VAV2: variants seen among roughly 807,000 people sequenced by gnomAD.
The protein encoded by VAV2 is guanine nucleotide exchange factor VAV2.
VAV2 carries 67 observed loss-of-function variants against 132.5 expected under a neutral mutation model. The observed-to-expected ratio is 0.51, with a 90% confidence interval of 0.42 to 0.62. The LOEUF (loss-of-function observed/expected upper bound fraction) is 0.62. Ranked by LOEUF, VAV2 falls within the 20% of genes least tolerant of loss-of-function variation. The probability of loss-of-function intolerance (pLI) is 0.00; values close to 1 mark genes in which losing one functional copy is unlikely to be tolerated. For synonymous variants in VAV2, 492 were observed against 443.5 expected, an observed-to-expected ratio of 1.11 and a Z score of -1.37; for missense variants, 938 against 1,153.6, an observed-to-expected ratio of 0.81 and a Z score of 2.71.
chr9:133,948,330 C>A (rs1197756585), intron 1 of VAV2, among the ~76,000 whole-genome samples: 1 of 152,256 alleles, frequency 6.6e-6, no homozygotes, highest in Non-Finnish European at 1.5e-5. Context: ...TGAACCTGAC[C>A]CGCCTTTGCG....
intron 2 of VAV2, among the ~76,000 whole-genome samples, chr9:133,922,135 G>A (rs111790015): frequency 9.0e-4 from 137 of 152,366 alleles, no homozygotes; most frequent in Middle Eastern, 3.4e-3. Flanking sequence ...AGGTGGCAGC[G>A]GGAAGCTTCT....
intron 3 of VAV2, 165 bp downstream of exon 3, chr9:133,861,209 C>G: frequency 1.4e-6 from 1 of 692,580 alleles, no homozygotes; most frequent in Middle Eastern, 4.2e-4. Flanking sequence ...CCCCCCACAC[C>G]CCTTCCTGCA....
rs544367532 is a variant in VAV2 at position 133,783,176 on chromosome 9, T to A, written c.1723+327A>T. On this transcript the variant is annotated intron_variant, in intron 19 of 29. Transcript: ENST00000371850. ...TGATGAGAAACCTCCATGCACCTGTTGAGAATGTTCTGTGCCGTGTTTGGG... is the reference window on the plus strand; with the variant it reads ...TGATGAGAAACCTCCATGCACCTGTAGAGAATGTTCTGTGCCGTGTTTGGG... Among the ~76,000 whole-genome samples the A allele has an allele frequency of 2.0e-5, 3 of 152,128 alleles. No homozygotes were observed. In the East Asian group the frequency reaches 5.8e-4, roughly 29 times the overall value.
intron 10 of VAV2, among the ~76,000 whole-genome samples, chr9:133,797,106 G>A (rs952549552): frequency 1.3e-5 from 2 of 152,226 alleles, no homozygotes; most frequent in Admixed American, 1.3e-4. Context: ...AAACCAGGGT[G>A]TACTAACCAG....
intron 2 of VAV2, among the ~76,000 whole-genome samples, chr9:133,897,810 A>C (rs1371035094): frequency 6.6e-6 from 1 of 152,136 alleles, no homozygotes; most frequent in Admixed American, 6.5e-5. Context: ...TGGAGGCAAA[A>C]AGGTCACTGG....
chr9:133,839,822 A>C (rs1457457078), intron 3 of VAV2, among the ~76,000 whole-genome samples: 1 of 152,182 alleles, frequency 6.6e-6, no homozygotes, highest in Non-Finnish European at 1.5e-5. Context: ...CTCAGTAGGG[A>C]CTTTGTAAAC....
chr9:133,976,505 G>C (rs180744468), intron 1 of VAV2, among the ~76,000 whole-genome samples: 8 of 152,196 alleles, frequency 5.3e-5, no homozygotes, highest in African/African-American at 1.9e-4. Flanking sequence ...TTGATGAAAC[G>C]AGGCCTTCAT....
chr9:133,897,251 G>C (rs1310210709), intron 2 of VAV2, among the ~76,000 whole-genome samples: 4 of 152,182 alleles, frequency 2.6e-5, no homozygotes, highest in Non-Finnish European at 5.9e-5. Context: ...AGCAGCAAGA[G>C]ACTAAGTCCC....
chr9:133,925,491 T>TA (rs1173051332), intron 2 of VAV2, among the ~76,000 whole-genome samples: 1 of 152,252 alleles, frequency 6.6e-6, no homozygotes, highest in East Asian at 1.9e-4. Flanking sequence ...GTGCTGGGAT[T>TA]ACAGGCATGA....
rs1487207136 is a variant in VAV2 at position 133,941,578 on chromosome 9, G to C, written c.205-2359C>G. ...AATTCTGAAGAATACAGACATGAAA[G>C]GACAAATCCTGTGTGAGTCCACTTT... is the stretch of plus-strand genomic sequence containing the variant. On this transcript the variant is annotated intron_variant, in intron 1 of 29. Transcript: ENST00000371850. Among the ~76,000 whole-genome samples, 3 of 145,300 alleles carry C rather than the reference G, an allele frequency of 2.1e-5. No individual in the cohort carries two copies. In the Admixed American group the frequency reaches 2.2e-4, roughly 11 times the overall value.
Position 133,802,854 on chromosome 9 carries a change from G to T in VAV2, c.836+3227C>A, listed in dbSNP as rs1834988892. ...ATGGGCTCAGGTATGGACCAAGGAT[G>T]CAGGAACAAGCAAGGTGCACGGCTG... On this transcript the variant is annotated intron_variant, in intron 9 of 29. Transcript: ENST00000371850. The surrounding 1 kb of genome is among the most constrained non-coding windows in gnomAD (Gnocchi z 5.8). Among the ~76,000 whole-genome samples, 1 of 152,216 alleles carries T rather than the reference G, an allele frequency of 6.6e-6. No homozygotes were observed. Among genetic ancestry groups the T allele is most frequent in the Admixed American group, 6.5e-5 (1 of 15,284 alleles).
At chr9:133,764,161 G>T (rs745991667) in intron 29 of VAV2, 52 bp from the exon 30 acceptor site, 2 of 1,610,502 alleles carry the variant, frequency 1.2e-6, no homozygotes, top group Non-Finnish European at 1.7e-6. Flanking sequence ...TGTGTAAGCA[G>T]GTGTGTGCAT....
chr9:133,866,594 A>G (rs1588287560), intron 2 of VAV2, among the ~76,000 whole-genome samples: 1 of 152,294 alleles, frequency 6.6e-6, no homozygotes, highest in East Asian at 1.9e-4. Flanking sequence ...ACTCGAGGTC[A>G]GGAGTTTGAG....
At chr9:133,975,396 T>C (rs1016765869) in intron 1 of VAV2, among the ~76,000 whole-genome samples, 1 of 152,176 alleles carries the variant, frequency 6.6e-6, no homozygotes, top group Non-Finnish European at 1.5e-5. Flanking sequence ...TTGGGGTCTG[T>C]TTCTGGGGGG....
chr9:133,931,171 CA>C, intron 2 of VAV2, among the ~76,000 whole-genome samples: 1 of 152,318 alleles, frequency 6.6e-6, no homozygotes, highest in East Asian at 1.9e-4. Flanking sequence ...TGTCCCCGCA[CA>C]GGGCAAGGTG....
intron 1 of VAV2, among the ~76,000 whole-genome samples, chr9:133,973,435 T>C (rs1176873127): frequency 6.6e-6 from 1 of 152,202 alleles, no homozygotes; most frequent in African/African-American, 2.4e-5. Context: ...AGAGTTATCC[T>C]GTCACCCCGG....
intron 2 of VAV2, among the ~76,000 whole-genome samples, chr9:133,876,846 A>G (rs1838285481): frequency 1.3e-5 from 2 of 152,154 alleles, no homozygotes; most frequent in South Asian, 4.1e-4. Context: ...GAGAGAAACC[A>G]TCTCTGTCCT....
chr9:133,987,035 A>T (rs1010233406), intron 1 of VAV2, among the ~76,000 whole-genome samples: 2 of 149,224 alleles, frequency 1.3e-5, no homozygotes, highest in Non-Finnish European at 3.0e-5. Flanking sequence ...TATTTATTAT[A>T]TATTTATTTA....
chr9:133,784,434 G>C lies in VAV2; in HGVS notation c.1533-16C>G, dbSNP rs1371879888. The C allele has an allele frequency of 9.3e-6, 15 of 1,613,568 alleles. No individual in the cohort carries two copies. The highest frequency in any genetic ancestry group is 6.7e-5 in the East Asian group (3 of 44,890). ...GATGTTTGACCTGGCAGGAGGGAAA[G>C]AGAGCAGATGCTACACCCACTGGAT... On this transcript the variant is annotated splice_polypyrimidine_tract_variant and intron_variant, in intron 17 of 29. Transcript: ENST00000371850.
Sources: gnomAD v4.1 joint callset for allele counts (sites outside exome capture counted in the v4.1 genomes callset) on GRCh38, gnomAD v4.1.1 for gene constraint, Gnocchi (gnomAD v3.1) non-coding constraint, MANE v1.5 for transcripts, NCBI Gene and HGNC (gene_info 2026-07-23, HGNC 2026-07-21) for gene names.